The following WDHD1 variants were observed in gnomAD, a reference collection of about 807,000 sequenced individuals.
The protein encoded by WDHD1 is WD repeat and HMG-box DNA-binding protein 1.
WDHD1 carries 111 observed loss-of-function variants against 135.4 expected under a neutral mutation model. The observed-to-expected ratio is 0.82, with a 90% CI of 0.70 to 0.96. WDHD1 has a LOEUF of 0.96. Among genes scored for constraint, WDHD1 ranks in the 40% least tolerant of loss-of-function variants. The pLI is 0.00. For synonymous variants in WDHD1, 434 were observed against 439.0 expected (o/e 0.99, Z 0.14); for missense variants, 1,351 against 1,336.3 (o/e 1.01, Z -0.17).
In WDHD1 at chr14:54,971,816, T is replaced by TA. The variant is rs200329770; in HGVS notation, c.2064-4423dup. 1.4e-3 allele frequency among the ~76,000 whole-genome samples: 200 copies of TA among 147,422 alleles called. 1 individual carries two copies. Among genetic ancestry groups the TA allele is most frequent in the East Asian group, 2.6e-3 (13 of 5,046 alleles). On this transcript the variant is annotated intron_variant, in intron 16 of 25. Coordinates refer to ENST00000360586, the MANE Select transcript of WDHD1 (RefSeq NM_007086.4). The stretch of plus-strand genomic sequence containing the variant: ...TGATATCCAGAGTCTATAAGGAACT[T>TA]AAAAAAAAATCAGCAGCAAAAAACA...
intron 24 of WDHD1, 147 bp from the exon 25 acceptor site, chr14:54,944,617 T>A: frequency 5.1e-4 from 54 of 106,022 alleles, no homozygotes; most frequent in Non-Finnish European, 8.4e-4. Flanking sequence ...TTCATGTTAC[T>A]TTTTTTTTTT....
chr14:55,000,060 T>C (rs1440427582), intron 10 of WDHD1, among the ~76,000 whole-genome samples: 1 of 152,090 alleles, frequency 6.6e-6, no homozygotes, highest in Non-Finnish European at 1.5e-5. Context: ...AACTAAGACT[T>C]GAATATAAAT....
chr14:54,978,923 T>A (rs771475796), intron 16 of WDHD1, among the ~76,000 whole-genome samples: 18 of 152,220 alleles, frequency 1.2e-4, no homozygotes, highest in Non-Finnish European at 2.6e-4. Context: ...TTTCCAGAAC[T>A]GATGAAATGT....
chr14:55,012,948 C>T (rs887548034), intron 3 of WDHD1, among the ~76,000 whole-genome samples: 2 of 152,146 alleles, frequency 1.3e-5, no homozygotes, highest in Non-Finnish European at 2.9e-5. Flanking sequence ...AAAAACACCA[C>T]TGAGTTTTCC....
chr14:54,980,571 C>T (rs2041600971), intron 16 of WDHD1, among the ~76,000 whole-genome samples: 1 of 149,742 alleles, frequency 6.7e-6, no homozygotes, highest in East Asian at 2.0e-4. Context: ...GGGTGGATCA[C>T]TTGAGGTGGA....
chr14:54,954,617 C>T (rs1313689186), intron 24 of WDHD1, among the ~76,000 whole-genome samples: 1 of 152,184 alleles, frequency 6.6e-6, no homozygotes, highest in African/African-American at 2.4e-5. Flanking sequence ...TGAACTATGA[C>T]ATGTCTATTC....
intron 24 of WDHD1, among the ~76,000 whole-genome samples, chr14:54,950,630 C>G (rs2041030712): frequency 6.6e-6 from 1 of 152,132 alleles, no homozygotes; most frequent in Admixed American, 6.6e-5. Flanking sequence ...TTGAACTCAG[C>G]TCTGCACCAA....
chr14:54,948,045 G>A (rs1042052931), intron 24 of WDHD1, among the ~76,000 whole-genome samples: 15 of 151,842 alleles, frequency 9.9e-5, no homozygotes, highest in East Asian at 3.9e-4. Context: ...GAGAAACCTC[G>A]TCTCTACTAA....
chr14:55,016,702 G>A (rs962253333), intron 2 of WDHD1, among the ~76,000 whole-genome samples: 6 of 152,202 alleles, frequency 3.9e-5, no homozygotes, highest in African/African-American at 9.6e-5. Context: ...ACTTTTTAAC[G>A]AAGTTAACCT....
At chr14:54,973,877 C>T (rs1217575682) in intron 16 of WDHD1, among the ~76,000 whole-genome samples, 11 of 152,022 alleles carry the variant, frequency 7.2e-5, no homozygotes, top group Non-Finnish European at 1.2e-4. Flanking sequence ...CTTTCTAAGC[C>T]ACATTTACAT....
intron 23 of WDHD1, among the ~76,000 whole-genome samples, chr14:54,955,939 C>T (rs1595063741): frequency 7.1e-6 from 1 of 140,938 alleles, no homozygotes. Flanking sequence ...ACTCTGTTGC[C>T]CAGGCTGGAG....
intron 11 of WDHD1, 68 bp from the exon 12 acceptor site, chr14:54,991,468 T>C (rs1404415729): frequency 1.3e-5 from 19 of 1,452,548 alleles, no homozygotes; most frequent in Non-Finnish European, 1.8e-5. Context: ...GAAAGCATTA[T>C]GGAATCTAGT....
intron 21 of WDHD1, among the ~76,000 whole-genome samples, chr14:54,960,223 G>A (rs750240222): frequency 2.6e-5 from 4 of 151,624 alleles, no homozygotes; most frequent in South Asian, 2.1e-4. Flanking sequence ...GCTGGAGTGC[G>A]GTGGTATGAT....
At chr14:54,968,206 G>A (rs2041376551) in intron 16 of WDHD1, among the ~76,000 whole-genome samples, 1 of 152,090 alleles carries the variant, frequency 6.6e-6, no homozygotes, top group Admixed American at 6.5e-5. Flanking sequence ...AATCAATACT[G>A]AGGATCTCTC....
In WDHD1 at chr14:54,958,868, A is replaced by T. The variant is rs1387938046; in HGVS notation, c.2702-1233T>A. ...CCATGCTCATGGTTTAAATTGCTAT[A>T]CTTATGCCAATGATTTTCACTTTGT... On this transcript the variant is annotated intron_variant, in intron 21 of 25. Transcript: ENST00000360586. Among the ~76,000 whole-genome samples the T allele has an allele frequency of 2.0e-5, 3 of 152,176 alleles. No homozygotes were observed. The East Asian group carries it at 5.8e-4, about 29-fold the overall frequency.
chr14:55,010,192 GAAGA>G, intron 4 of WDHD1, 113 bp downstream of exon 4: 15 of 1,120,554 alleles, frequency 1.3e-5, no homozygotes, highest in Non-Finnish European at 1.8e-5. Flanking sequence ...AAGAATATAT[GAAGA>G]AACAACAAAC....
At chr14:54,951,667 T>C (rs967575399) in intron 24 of WDHD1, among the ~76,000 whole-genome samples, 3 of 152,216 alleles carry the variant, frequency 2.0e-5, no homozygotes, top group Non-Finnish European at 1.5e-5. Flanking sequence ...AGCATCATCC[T>C]GATACCAAAG....
intron 7 of WDHD1, among the ~76,000 whole-genome samples, chr14:55,003,288 T>C (rs2140216500): frequency 6.6e-6 from 1 of 152,046 alleles, no homozygotes; most frequent in African/African-American, 2.4e-5. Flanking sequence ...GACAGGCAGA[T>C]CACTAGAGCT....
chr14:54,962,776 T>C lies in WDHD1; in HGVS notation c.2609A>G (p.Glu870Gly). 1 of 1,613,888 alleles carries C rather than the reference T, an allele frequency of 6.2e-7. No individual in the cohort carries two copies. The highest frequency in any genetic ancestry group is 8.5e-7 in the Non-Finnish European group (1 of 1,180,010). Residue 870 changes from glutamate to glycine, a missense_variant, in exon 20 of 26, where the codon GAA becomes GGA. Glu to Gly is a moderately conservative substitution (Grantham distance 98, BLOSUM62 -2). Transcript: ENST00000360586. ...QVEEDAEDSG[E>G]ADDEEKPEIH... ...TTCTGGTTTTTCTTCATCATCAGCT[T>C]CTCCACTGTCCTCAGCATCTTCTTC...
Sources: allele counts gnomAD v4.1 joint callset (sites outside exome capture counted in the v4.1 genomes callset), GRCh38; gene constraint gnomAD v4.1.1; transcripts MANE v1.5; gene names NCBI Gene and HGNC (gene_info 2026-07-23, HGNC 2026-07-21).